ELAC2: variants seen among roughly 807,000 people sequenced by gnomAD.
ELAC2 encodes zinc phosphodiesterase ELAC protein 2.
In ELAC2, 92 loss-of-function variants were observed where a neutral mutation model predicts 105.2. The ratio of observed to expected loss-of-function variants is 0.87; its 90% CI spans 0.74 to 1.04. The LOEUF is 1.04. Among genes scored for constraint, ELAC2 ranks in the 50% least tolerant of loss-of-function variants. The probability of loss-of-function intolerance (pLI) is 0.00; values close to 1 mark genes in which losing one functional copy is unlikely to be tolerated. For synonymous variants in ELAC2, 468 were observed against 409.1 expected (o/e 1.14, Z -1.74); for missense variants, 1,099 against 1,071.7 (o/e 1.03, Z -0.36).
intron 15 of ELAC2, among the ~76,000 whole-genome samples, chr17:12,999,276 C>G (rs747635307): frequency 6.6e-6 from 1 of 152,174 alleles, no homozygotes; most frequent in Non-Finnish European, 1.5e-5. Context: ...TGCCTTGCAT[C>G]CAGCTCTCAC....
intron 22 of ELAC2, 151 bp downstream of exon 22, chr17:12,994,274 G>C (rs955877369): frequency 8.7e-6 from 8 of 919,418 alleles, no homozygotes; most frequent in Non-Finnish European, 1.3e-5. Context: ...CCAAGAGCCT[G>C]TGAGCACTGC....
chr17:13,016,903 A>T lies in ELAC2; in HGVS notation c.326T>A (p.Phe109Tyr). 6.2e-7 allele frequency: 1 copy of T among 1,614,204 alleles called. No individual in the cohort carries two copies. Among genetic ancestry groups the T allele is most frequent in the Non-Finnish European group, 8.5e-7 (1 of 1,180,046 alleles). The change falls in exon 3 of 24, where the codon TTC (phenylalanine) becomes TAC (tyrosine). Residue 109 changes from phenylalanine to tyrosine, a missense_variant. Physicochemically the swap from Phe to Tyr is conservative, Grantham distance 22. Transcript: ENST00000338034. ...ATTAGACCAGTGCATTCGTGTCAGGAATATGTTGTCCAGGCGAGCAACCTT... is the reference window on the plus strand; with the variant it reads ...ATTAGACCAGTGCATTCGTGTCAGGTATATGTTGTCCAGGCGAGCAACCTT... ...KLKVARLDNI[F>Y]LTRMHWSNVG...
At chr17:13,003,657 C>T (rs770826970) in intron 11 of ELAC2, 83 bp from the exon 12 acceptor site, 14 of 1,238,842 alleles carry the variant, frequency 1.1e-5, no homozygotes, top group East Asian at 2.3e-5. Flanking sequence ...GGAGGGGTAT[C>T]GTGCGGCCCT....
chr17:12,996,398 G>A (rs1040605548), intron 17 of ELAC2, 149 bp downstream of exon 17: 3 of 1,183,254 alleles, frequency 2.5e-6, no homozygotes, highest in East Asian at 4.9e-5. Context: ...ACTATGTTGA[G>A]TTTTGCAAAA....
Position 12,992,566 on chromosome 17 carries a change from A to AAAT in ELAC2, c.*249_*251dup. On this transcript the variant is annotated 3_prime_UTR_variant, in exon 24 of 24. Transcript: ENST00000338034. ...CTTCTTTAAAAACTGCCTTGAAATG[A>AAAT]AATTAGTTCATCTGCTTGCTTCCGT... is the stretch of plus-strand genomic sequence containing the variant. The AAAT allele has an allele frequency of 1.8e-6, 1 of 554,612 alleles. No individual in the cohort carries two copies. The allele number at this position is 554,612 out of a possible 1,614,324, so 34.4% of individuals were successfully genotyped here.
chr17:12,994,849 C>T lies in ELAC2; in HGVS notation c.1944G>A (p.Ala648=), dbSNP rs1555572147. ...AGGTGTGCACCAGCGCACAGCCAAA[C>T]GCATGCTTGCAGTGCCGCACCAGAC... ...QTCLVRHCKH[A]FGCALVHTSG... is the part of the protein sequence containing the mutation. Residue 648 remains alanine (A), a synonymous_variant, in exon 21 of 24, where the codon GCG becomes GCA. Coordinates refer to ENST00000338034, the MANE Select transcript of ELAC2 (RefSeq NM_018127.7). 1.4e-5 allele frequency: 22 copies of T among 1,613,964 alleles called. No individual in the cohort carries two copies. Among genetic ancestry groups the T allele is most frequent in the Admixed American group, 3.3e-5 (2 of 60,010 alleles).
rs918236242 is a variant in ELAC2 at position 12,992,282 on chromosome 17, C to T, written c.*536G>A. 3 of 241,638 alleles carry T rather than the reference C, an allele frequency of 1.2e-5. No homozygotes were observed. The highest frequency in any genetic ancestry group is 5.1e-5 in the Admixed American group (1 of 19,712). 15.0% of individuals were successfully genotyped at this position (241,638 alleles called of 1,614,324 possible). A position where few individuals can be genotyped will look rare whatever the true frequency, so the allele number is the denominator to read the frequency against. ...ACGGGAGCTGACTTCTTCCAAGCCA[C>T]CCGGGTACCAGGCAGCTGCCACACT... On this transcript the variant is annotated 3_prime_UTR_variant, in exon 24 of 24. Transcript: ENST00000338034.
intron 8 of ELAC2, among the ~76,000 whole-genome samples, chr17:13,007,205 A>G (rs1026283869): frequency 6.6e-6 from 1 of 152,062 alleles, no homozygotes; most frequent in Admixed American, 6.6e-5. Flanking sequence ...ATCATTTTAT[A>G]GGAAAAAAAA....
chr17:13,008,029 T>C (rs1165500192), intron 8 of ELAC2, among the ~76,000 whole-genome samples: 2 of 151,380 alleles, frequency 1.3e-5, no homozygotes, highest in East Asian at 3.9e-4. Flanking sequence ...GGCGAAACCC[T>C]GTGTCTACTA....
rs373464578 is a variant in ELAC2 at position 12,994,866 on chromosome 17, G to A, written c.1927C>T (p.Arg643Trp). 24 of 1,613,926 alleles carry A rather than the reference G, an allele frequency of 1.5e-5. No individual in the cohort carries two copies. The highest frequency in any genetic ancestry group is 6.7e-5 in the East Asian group (3 of 44,890). The change falls in exon 21 of 24, where the codon CGG becomes TGG. Residue 643 changes from arginine to tryptophan, a missense_variant. Physicochemically the swap from Arg to Trp is moderately radical, Grantham distance 101. Transcript: ENST00000338034. ...DLEEFQTCLV[R>W]HCKHAFGCAL... ...CAGCCAAACGCATGCTTGCAGTGCC[G>A]CACCAGACAGGTCTGAAACTGAAAG...
At chr17:13,003,837 T>C (rs1038171663) in intron 11 of ELAC2, 13 of 502,008 alleles carry the variant, frequency 2.6e-5, no homozygotes, top group African/African-American at 9.7e-5. Flanking sequence ...TTCTCAGCAC[T>C]GCACTTCCTT....
At position 12,993,825 on chromosome 17, in the gene ELAC2, C is replaced by T. The variant is rs755866051; in HGVS notation, c.2115G>A (p.Thr705=). 6.5e-5 allele frequency: 105 copies of T among 1,614,034 alleles called. 1 individual carries two copies. In the South Asian group the frequency reaches 8.0e-4, roughly 12 times the overall value. ...GCATCCCCACGCTGATGGCTTGGGA[C>T]GTTGTGCTGCAGGTGAAGGACAGAG... ...EEAVEKTHST[T]SQAISVGMRM... The change falls in exon 23 of 24, where the codon ACG becomes ACA. Residue 705 remains threonine, a synonymous_variant. Coordinates refer to ENST00000338034, the MANE Select transcript of ELAC2 (RefSeq NM_018127.7).
In ELAC2 at chr17:12,992,459, A is replaced by G; in HGVS notation, c.*359T>C. 2.3e-6 allele frequency: 1 copy of G among 427,556 alleles called. No homozygotes were observed. Among genetic ancestry groups the G allele is most frequent in the South Asian group, 2.6e-5 (1 of 38,040 alleles). The allele number at this position is 427,556 out of a possible 1,614,324, so 26.5% of individuals were successfully genotyped here. A position where few individuals can be genotyped will look rare whatever the true frequency, so the allele number is the denominator to read the frequency against. ...AAGTCTCGGACACTTAGACCCACTG[A>G]TCCTGTTACTCTGCTTGTCTCTGGT... On this transcript the variant is annotated 3_prime_UTR_variant, in exon 24 of 24. Coordinates refer to ENST00000338034, the MANE Select transcript of ELAC2 (RefSeq NM_018127.7).
At position 13,014,448 on chromosome 17, in the gene ELAC2, T is replaced by C. The variant is rs761041484; in HGVS notation, c.481A>G (p.Ile161Val). 5 of 1,613,492 alleles carry C rather than the reference T, an allele frequency of 3.1e-6. No individual in the cohort carries two copies. Among genetic ancestry groups the C allele is most frequent in the Admixed American group, 1.7e-5 (1 of 60,012 alleles). The change falls in exon 5 of 24, where the codon ATA becomes GTA. Residue 161 changes from isoleucine to valine, a missense_variant. By Grantham distance (29) the Ile-to-Val change is conservative. Coordinates refer to ENST00000338034, the MANE Select transcript of ELAC2 (RefSeq NM_018127.7). ...ACAGACAAAGACGTACCCAGTTCTA[T>C]TCCTTTCAATGGACCAGAAAATATT... ...IKIFSGPLKG[I>V]ELAVRPHSAP... is the part of the protein sequence containing the mutation.
rs1282972900 is a variant in ELAC2, at chr17:13,005,909, C to G, written c.797+12G>C. 1.2e-5 allele frequency: 19 copies of G among 1,614,028 alleles called. No homozygotes were observed. Among genetic ancestry groups the G allele is most frequent in the Non-Finnish European group, 1.6e-5 (19 of 1,180,032 alleles). ...CCAGTGAGTCCCCAGAAGCCTTACCCCCCACACTCACACTGGGAGGCCCAT... is the reference window on the plus strand; with the variant it reads ...CCAGTGAGTCCCCAGAAGCCTTACCGCCCACACTCACACTGGGAGGCCCAT... On this transcript the variant is annotated intron_variant, in intron 9 of 23. Transcript: ENST00000338034.
At chr17:12,994,660 T>A in intron 21 of ELAC2, 104 bp downstream of exon 21, 1 of 1,607,794 alleles carries the variant, frequency 6.2e-7, no homozygotes, top group Non-Finnish European at 8.5e-7. Flanking sequence ...GGGACCTGAG[T>A]CTCCTGCCTC....
intron 23 of ELAC2, among the ~76,000 whole-genome samples, chr17:12,993,269 G>T (rs1213159743): frequency 2.0e-5 from 3 of 152,226 alleles, no homozygotes; most frequent in African/African-American, 7.2e-5. Flanking sequence ...AGAGGGAAGG[G>T]AGAGCAGTCC....
chr17:13,005,437 TA>T (rs1285068738), intron 10 of ELAC2, among the ~76,000 whole-genome samples: 1 of 152,162 alleles, frequency 6.6e-6, no homozygotes, highest in African/African-American at 2.4e-5. Flanking sequence ...CTCTGGACCA[TA>T]AACCCCAGGC....
chr17:13,006,652 A>G (rs2041124559), intron 8 of ELAC2: 1 of 154,492 alleles, frequency 6.5e-6, no homozygotes, highest in African/African-American at 2.4e-5. Flanking sequence ...TAGCTAAAGG[A>G]ATGTCACCAG....
Sources: allele counts gnomAD v4.1 joint callset (sites outside exome capture counted in the v4.1 genomes callset), GRCh38; gene constraint gnomAD v4.1.1; transcripts MANE v1.5; gene names NCBI Gene and HGNC (gene_info 2026-07-23, HGNC 2026-07-21).